CFAP46: variants seen among roughly 807,000 people sequenced by gnomAD.
CFAP46 encodes the protein cilia- and flagella-associated protein 46.
In CFAP46, 245 loss-of-function variants were observed where a neutral mutation model predicts 325.7. That is an observed-to-expected ratio of 0.75 (90% CI 0.68 to 0.84). The LOEUF is 0.84. Ranked by LOEUF, CFAP46 falls within the 40% of genes least tolerant of loss-of-function variation. CFAP46 has a pLI of 0.00. For missense variants in CFAP46, 3,346 were observed against 3,543.0 expected, an observed-to-expected ratio of 0.94 and a Z score of 1.41; for synonymous variants, 1,523 against 1,495.9, an observed-to-expected ratio of 1.02 and a Z score of -0.42.
intron 22 of CFAP46, among the ~76,000 whole-genome samples, chr10:132,906,856 T>C (rs1849464351): frequency 6.6e-6 from 1 of 151,696 alleles, no homozygotes; most frequent in South Asian, 2.1e-4. Flanking sequence ...TGCCCCATCC[T>C]GGGCACTGAG....
intron 17 of CFAP46, among the ~76,000 whole-genome samples, chr10:132,916,153 T>C (rs1250303029): frequency 1.3e-5 from 2 of 152,178 alleles, no homozygotes; most frequent in African/African-American, 4.8e-5. Flanking sequence ...CAGCTTTTCC[T>C]CTGAGCAAAT....
In CFAP46 at chr10:132,850,367, C is replaced by T. The variant is rs747215503; in HGVS notation, c.5829G>A (p.Pro1943=). The change falls in exon 41 of 58, where the codon CCG becomes CCA. Residue 1943 remains proline, a synonymous_variant. Transcript: ENST00000368586. ...GGATCTCCACACAGCCCACGCTCAG[C>T]GGCTGCAGGCTCCCCAGCTGTGCCA... The part of the protein sequence containing the change: ...GALAQLGSLQ[P]LSVGCVEIRA... 50 of 1,568,810 alleles carry T rather than the reference C, an allele frequency of 3.2e-5. No homozygotes were observed. Among genetic ancestry groups the T allele is most frequent in the Middle Eastern group, 3.3e-4 (2 of 5,972 alleles).
intron 38 of CFAP46, 62 bp from the exon 39 acceptor site, chr10:132,857,850 T>G (rs1332797734): frequency 7.6e-7 from 1 of 1,310,726 alleles, no homozygotes; most frequent in Non-Finnish European, 1.0e-6. Flanking sequence ...ATGTTTAATA[T>G]GTCATTTTCT....
At chr10:132,836,986 T>G (rs1848261538) in intron 44 of CFAP46, 72 bp from the exon 45 acceptor site, 1 of 1,191,000 alleles carries the variant, frequency 8.4e-7, no homozygotes, top group Non-Finnish European at 1.2e-6. Flanking sequence ...TTCCCCTCAT[T>G]TCCAGGAGAC....
At chr10:132,937,309 T>C (rs1850023711) in intron 6 of CFAP46, 2 of 561,972 alleles carry the variant, frequency 3.6e-6, no homozygotes, top group Non-Finnish European at 6.1e-6. Flanking sequence ...AAAGGAAATA[T>C]TTAAAGAGCG....
Position 132,899,618 on chromosome 10 carries a change from G to A in CFAP46, c.2973C>T (p.Ile991=). Residue 991 remains isoleucine (I), a synonymous_variant, in exon 23 of 58, where the codon ATC becomes ATT. Transcript: ENST00000368586. The part of the protein sequence containing the change: ...VAEMLCTATA[I]QGRSIMENLK... ...GGTTTTCCATGATGCTCCTGCCCTGGATGGCCGTGGCTGTGCACAGCATCT... is the reference window on the plus strand; with the variant it reads ...GGTTTTCCATGATGCTCCTGCCCTGAATGGCCGTGGCTGTGCACAGCATCT... 6.5e-7 allele frequency: 1 copy of A among 1,550,260 alleles called. No individual in the cohort carries two copies. The highest frequency in any genetic ancestry group is 8.7e-7 in the Non-Finnish European group (1 of 1,146,972).
intron 53 of CFAP46, 40 bp from the exon 54 acceptor site, chr10:132,814,294 A>C: frequency 2.0e-6 from 3 of 1,531,734 alleles, no homozygotes; most frequent in Non-Finnish European, 2.7e-6. Context: ...ACGGTGTTTC[A>C]TCAGACACGG....
intron 22 of CFAP46, among the ~76,000 whole-genome samples, chr10:132,907,961 G>A (rs1849480411): frequency 1.3e-5 from 2 of 152,356 alleles, no homozygotes; most frequent in Non-Finnish European, 1.5e-5. Flanking sequence ...GAACCATCTG[G>A]GGTGGGAGCC....
rs767135035 is a variant in CFAP46, at chr10:132,846,207, C to T, written c.6288G>A (p.Thr2096=). The part of the protein sequence containing the change: ...ALSQSCSASE[T]MRDVLLAATA... The stretch of plus-strand genomic sequence containing the variant: ...TGGCTGCAAGCAGGACATCCCTCAT[C>T]GTCTCTGAGGCCGAGCAGCTCTGAA... Residue 2096 remains threonine, a synonymous_variant, in exon 44 of 58, where the codon ACG becomes ACA. Transcript: ENST00000368586. 34 of 1,611,870 alleles carry T rather than the reference C, an allele frequency of 2.1e-5. No homozygotes were observed. The highest frequency in any genetic ancestry group is 2.7e-5 in the Non-Finnish European group (32 of 1,179,634).
Position 132,851,134 on chromosome 10 carries a change from A to C in CFAP46, c.5746T>G (p.Tyr1916Asp), listed in dbSNP as rs1349950296. 5.6e-6 allele frequency: 9 copies of C among 1,613,916 alleles called. 1 individual carries two copies. Among genetic ancestry groups the C allele is most frequent in the Middle Eastern group, 3.3e-4 (2 of 6,034 alleles). Residue 1916 changes from tyrosine (Y) to aspartate (D), a missense_variant, in exon 40 of 58, where the codon TAC (tyrosine) becomes GAC (aspartate). Coordinates refer to ENST00000368586, the MANE Select transcript of CFAP46 (RefSeq NM_001200049.3). ...GCAATTACCAGGCCGACGGAAGTGTAGTCACTGGTGTTCTGCAGATAGTCC... is the reference window on the plus strand; with the variant it reads ...GCAATTACCAGGCCGACGGAAGTGTCGTCACTGGTGTTCTGCAGATAGTCC... ...LADYLQNTSD[Y>D]TSVGLQWFTL... is the part of the protein sequence containing the mutation.
At chr10:132,931,572 C>CCA (rs1849903764) in intron 8 of CFAP46, among the ~76,000 whole-genome samples, 1 of 135,208 alleles carries the variant, frequency 7.4e-6, no homozygotes, top group African/African-American at 2.7e-5. Flanking sequence ...CTGGGCCTTC[C>CCA]TCCTCCCCAC....
intron 22 of CFAP46, among the ~76,000 whole-genome samples, chr10:132,900,541 C>T (rs745497542): frequency 5.3e-5 from 8 of 152,268 alleles, no homozygotes; most frequent in Non-Finnish European, 1.0e-4. Context: ...AATCTGCTTG[C>T]AGGAGCAGAC....
chr10:132,906,028 G>A (rs114551746), intron 22 of CFAP46, among the ~76,000 whole-genome samples: 270 of 152,368 alleles, frequency 1.8e-3, no homozygotes, highest in African/African-American at 6.1e-3. Flanking sequence ...CAAAGAGGGG[G>A]GCCTGGCATG....
intron 50 of CFAP46, among the ~76,000 whole-genome samples, chr10:132,819,843 G>T (rs1847761515): frequency 6.6e-6 from 1 of 152,120 alleles, no homozygotes; most frequent in Non-Finnish European, 1.5e-5. Flanking sequence ...ATGATTTTTT[G>T]GATATAACAT....
At chr10:132,931,597 T>TCCTTACAC (rs1174472443) in intron 8 of CFAP46, among the ~76,000 whole-genome samples, 1 of 128,772 alleles carries the variant, frequency 7.8e-6, no homozygotes, top group Admixed American at 7.9e-5. Flanking sequence ...AGCCTGGGCC[T>TCCTTACAC]TCCCCATACA....
At position 132,885,887 on chromosome 10, in the gene CFAP46, T is replaced by C. The variant is rs150871636; in HGVS notation, c.3377A>G (p.Asp1126Gly). 5.9e-3 allele frequency: 9,136 copies of C among 1,549,882 alleles called. 39 individuals carry two copies. Among genetic ancestry groups the C allele is most frequent in the Non-Finnish European group, 6.9e-3 (7,893 of 1,146,756 alleles). Residue 1126 changes from aspartate to glycine, a missense_variant, in exon 26 of 58, where the codon GAC (aspartate) becomes GGC (glycine). Physicochemically the swap from Asp to Gly is moderately conservative, Grantham distance 94. Coordinates refer to ENST00000368586, the MANE Select transcript of CFAP46 (RefSeq NM_001200049.3). ...LLFHSHADQD[D>G]WEGGLKVLDE... is the part of the protein sequence containing the mutation. ...CAGCACCTTGAGGCCGCCCTCCCAGTCGTCCTGGTCGGCATGGCTGTGGAA... is the reference window on the plus strand; with the variant it reads ...CAGCACCTTGAGGCCGCCCTCCCAGCCGTCCTGGTCGGCATGGCTGTGGAA...
At chr10:132,929,563 G>A in intron 9 of CFAP46, 142 bp downstream of exon 9, 1 of 827,648 alleles carries the variant, frequency 1.2e-6, no homozygotes, top group Non-Finnish European at 2.2e-6. Flanking sequence ...AACACAGGTA[G>A]GAAAGACGGC....
chr10:132,881,721 T>C (rs35775308), intron 27 of CFAP46, among the ~76,000 whole-genome samples: 49,965 of 151,248 alleles, frequency 0.33, 9,770 homozygotes, highest in Admixed American at 0.49. Flanking sequence ...CAGGTGCTGC[T>C]GGGGCCACGG....
At chr10:132,929,238 C>T in intron 9 of CFAP46, 1 of 553,262 alleles carries the variant, frequency 1.8e-6, no homozygotes. Context: ...ACAATCATAA[C>T]ACTATACTGT....
Sources: allele counts gnomAD v4.1 joint callset (sites outside exome capture counted in the v4.1 genomes callset), GRCh38; gene constraint gnomAD v4.1.1; transcripts MANE v1.5; gene names NCBI Gene and HGNC (gene_info 2026-07-23, HGNC 2026-07-21).